Variants in TMEM165 observed in about 807,000 individuals in gnomAD.
TMEM165 encodes the protein putative divalent cation/proton antiporter TMEM165.
In TMEM165, 19 loss-of-function variants were observed where a neutral mutation model predicts 30.0. That is an observed-to-expected ratio of 0.63 (90% CI 0.44 to 0.93). The LOEUF (loss-of-function observed/expected upper bound fraction) is 0.93. TMEM165 is among the 40% of genes least tolerant of loss of function. TMEM165 has a pLI of 0.00. For synonymous variants in TMEM165, 168 were observed against 162.9 expected (o/e 1.03, Z -0.24); for missense variants, 340 against 417.0 (o/e 0.82, Z 1.61).
At chr4:55,435,885 T>C (rs559129714) in intron 3 of TMEM165, among the ~76,000 whole-genome samples, 9 of 152,374 alleles carry the variant, frequency 5.9e-5, no homozygotes, top group Admixed American at 5.2e-4. Context: ...TTTCACTTTA[T>C]GTCCTAAAGA....
intron 1 of TMEM165, among the ~76,000 whole-genome samples, chr4:55,397,968 C>T (rs1720801879): frequency 6.6e-6 from 1 of 152,082 alleles, no homozygotes; most frequent in South Asian, 2.1e-4. Context: ...GTCTCAAACT[C>T]CTGGGCTCAA....
intron 3 of TMEM165, chr4:55,449,524 T>TATAAAGA (rs1295617468): frequency 6.6e-7 from 1 of 1,519,742 alleles, no homozygotes; most frequent in East Asian, 2.3e-5. Context: ...AGAAGAGCAT[T>TATAAAGA]AGTACTTTAT....
intron 1 of TMEM165, 143 bp downstream of exon 1, chr4:55,396,539 C>T (rs1357445036): frequency 1.0e-5 from 7 of 673,766 alleles, no homozygotes; most frequent in Non-Finnish European, 1.6e-5. Flanking sequence ...GGAGGGCGGT[C>T]GGCTGCGCTG....
exon 4 of TMEM165, chr4:55,453,000 A>T (rs1276341330): frequency 7.9e-7 from 1 of 1,259,664 alleles, no homozygotes; most frequent in African/African-American, 1.5e-5. Context: ...ATTGAGTTTC[A>T]TCTTTTATTG....
rs549041461 is a variant in TMEM165, at chr4:55,435,310, T to A, written c.408+10667T>A. The A allele has an allele frequency of 5.4e-5, 72 of 1,331,836 alleles. No homozygotes were observed. The Admixed American group carries it at 1.2e-3, about 23-fold the overall frequency. The allele number at this position is 1,331,836 out of a possible 1,614,324, so 82.5% of individuals were successfully genotyped here. A position where few individuals can be genotyped will look rare whatever the true frequency, so the allele number is the denominator to read the frequency against. ...AGGAACTAGAACACTCAATACTGCA[T>A]CTCATGAAACTGCTGGAACTTTCCC... is the stretch of plus-strand genomic sequence containing the variant. On this transcript the variant is annotated intron_variant, in intron 3 of 3. Coordinates refer to the TMEM165 transcript ENST00000608091.
At chr4:55,409,640 T>C (rs944286029) in intron 1 of TMEM165, among the ~76,000 whole-genome samples, 1 of 152,106 alleles carries the variant, frequency 6.6e-6, no homozygotes, top group Non-Finnish European at 1.5e-5. Flanking sequence ...TCCCCTTTGA[T>C]TGTAACTAAA....
chr4:55,396,635 C>T (rs10155441), intron 1 of TMEM165, among the ~76,000 whole-genome samples: 1,823 of 152,266 alleles, frequency 0.012, 37 homozygotes, highest in African/African-American at 0.042. Flanking sequence ...ACGTTGATCT[C>T]CGGAGGGCCA....
intron 3 of TMEM165, among the ~76,000 whole-genome samples, chr4:55,442,069 G>A (rs1326548396): frequency 1.3e-5 from 2 of 151,928 alleles, no homozygotes; most frequent in Non-Finnish European, 2.9e-5. Flanking sequence ...ACTTAAAAAA[G>A]GTAAGCTACC....
chr4:55,409,632 C>T (rs1721405288), intron 1 of TMEM165, among the ~76,000 whole-genome samples: 1 of 152,086 alleles, frequency 6.6e-6, no homozygotes, highest in African/African-American at 2.4e-5. Context: ...CCAGTAGTTC[C>T]CCTTTGATTG....
intron 3 of TMEM165, chr4:55,450,025 ATATAAGTAAC>A: frequency 6.4e-7 from 1 of 1,553,014 alleles, no homozygotes; most frequent in Non-Finnish European, 8.9e-7. Context: ...AGAAATGCTG[ATATAAGTAAC>A]TAAAAGTTTA....
At chr4:55,440,585 A>C (rs1723288768) in intron 3 of TMEM165, among the ~76,000 whole-genome samples, 1 of 152,214 alleles carries the variant, frequency 6.6e-6, no homozygotes, top group South Asian at 2.1e-4. Flanking sequence ...AAATACTTTA[A>C]TGCAAAACAA....
intron 3 of TMEM165, chr4:55,450,354 A>G: frequency 2.9e-6 from 3 of 1,045,884 alleles, no homozygotes; most frequent in Non-Finnish European, 4.4e-6. Context: ...AAGTACCTGT[A>G]TGTACATACA....
At chr4:55,436,875 CTA>C (rs1331760867) in intron 3 of TMEM165, among the ~76,000 whole-genome samples, 1 of 142,420 alleles carries the variant, frequency 7.0e-6, no homozygotes, top group Non-Finnish European at 1.5e-5. Context: ...TTTGTGGGTC[CTA>C]TGTCTTTGGG....
At chr4:55,404,252 A>G (rs371555535) in intron 1 of TMEM165, among the ~76,000 whole-genome samples, 1 of 151,262 alleles carries the variant, frequency 6.6e-6, no homozygotes, top group African/African-American at 2.4e-5. Context: ...TCCTGACCTC[A>G]GATCTGTCCA....
At chr4:55,421,833 T>C (rs911957295) in intron 4 of TMEM165, among the ~76,000 whole-genome samples, 5 of 152,218 alleles carry the variant, frequency 3.3e-5, no homozygotes, top group Middle Eastern at 3.4e-3. Context: ...CCCACCCTTA[T>C]AATATGCTTA....
At chr4:55,452,822 G>T (rs1724584835) in exon 4 of TMEM165, 1 of 399,716 alleles carries the variant, frequency 2.5e-6, no homozygotes, top group South Asian at 3.4e-5. Context: ...GTACATCACT[G>T]GGAATAAATG....
At chr4:55,407,693 T>C (rs533178644) in intron 1 of TMEM165, among the ~76,000 whole-genome samples, 2 of 152,336 alleles carry the variant, frequency 1.3e-5, no homozygotes, top group East Asian at 3.9e-4. Flanking sequence ...GTGAGAACTG[T>C]TGGATAGTTA....
chr4:55,422,656 A>ATT (rs562102837), intron 4 of TMEM165, among the ~76,000 whole-genome samples: 1 of 147,632 alleles, frequency 6.8e-6, no homozygotes, highest in African/African-American at 2.5e-5. Flanking sequence ...TTATTTATTT[A>ATT]TTTTTTTTTT....
chr4:55,402,809 T>TTTTTTTTTTTTTTTTTTTAGG (rs1560387581), intron 1 of TMEM165, among the ~76,000 whole-genome samples: 1 of 131,996 alleles, frequency 7.6e-6, no homozygotes, highest in East Asian at 2.2e-4. Context: ...TTTTTTTTTT[T>TTTTTTTTTTTTTTTTTTTAGG]GAGACGGAGT....
Sources: gnomAD v4.1 joint callset for allele counts (sites outside exome capture counted in the v4.1 genomes callset) on GRCh38, gnomAD v4.1.1 for gene constraint, MANE v1.5 for transcripts, NCBI Gene and HGNC (gene_info 2026-07-23, HGNC 2026-07-21) for gene names.